ITGBL1: variants seen among roughly 807,000 people sequenced by gnomAD.
The protein encoded by ITGBL1 is integrin subunit beta like 1.
In ITGBL1, 51 loss-of-function variants were observed where a neutral mutation model predicts 68.5. That is an observed-to-expected ratio of 0.74 (90% CI 0.59 to 0.94). ITGBL1 has a LOEUF of 0.94. ITGBL1 is among the 40% of genes least tolerant of loss of function. The probability of loss-of-function intolerance (pLI) is 0.00; values close to 1 mark genes in which losing one functional copy is unlikely to be tolerated. For synonymous variants in ITGBL1, 209 were observed against 227.3 expected (o/e 0.92, Z 0.72); for missense variants, 649 against 647.4 (o/e 1.00, Z -0.03).
chr13:101,611,538 A>G (rs1447617565), intron 7 of ITGBL1, among the ~76,000 whole-genome samples: 1 of 152,188 alleles, frequency 6.6e-6, no homozygotes, highest in Non-Finnish European at 1.5e-5. Flanking sequence ...TTGGGTATGT[A>G]TATAGATGCC....
intron 2 of ITGBL1, among the ~76,000 whole-genome samples, chr13:101,499,345 C>T (rs2048905258): frequency 6.6e-6 from 1 of 152,132 alleles, no homozygotes; most frequent in Non-Finnish European, 1.5e-5. Flanking sequence ...TTCTGTCAAC[C>T]CCTCCCTCAT....
Position 101,496,279 on chromosome 13 carries a change from T to C in ITGBL1, c.316+42179T>C, listed in dbSNP as rs193039495. On this transcript the variant is annotated intron_variant, in intron 2 of 10. Coordinates refer to ENST00000376180, the MANE Select transcript of ITGBL1 (RefSeq NM_004791.3). Reference sequence around the variant, plus strand: ...CAGGGACACAGCCCTGGGCATATAGTTGGGAGACTTGGGCTGGGGTTTTCT... The same window carrying C: ...CAGGGACACAGCCCTGGGCATATAGCTGGGAGACTTGGGCTGGGGTTTTCT... Among the ~76,000 whole-genome samples the C allele has an allele frequency of 1.3e-3, 194 of 152,244 alleles. 2 individuals carry two copies. Among genetic ancestry groups the C allele is most frequent in the Non-Finnish European group, 1.9e-3 (129 of 68,004 alleles).
At chr13:101,458,874 G>A (rs557592431) in intron 2 of ITGBL1, among the ~76,000 whole-genome samples, 4 of 152,280 alleles carry the variant, frequency 2.6e-5, no homozygotes, top group Admixed American at 2.0e-4. Flanking sequence ...GTGCCCAAAA[G>A]CATGGCAAGT....
At chr13:101,520,729 T>C (rs139304617) in intron 2 of ITGBL1, among the ~76,000 whole-genome samples, 11 of 152,330 alleles carry the variant, frequency 7.2e-5, no homozygotes, top group Non-Finnish European at 1.2e-4. Flanking sequence ...AAAGCAAGTT[T>C]AAGCTGGGAA....
At chr13:101,676,671 T>G (rs2033510886) in intron 7 of ITGBL1, among the ~76,000 whole-genome samples, 1 of 152,152 alleles carries the variant, frequency 6.6e-6, no homozygotes, top group Non-Finnish European at 1.5e-5. Context: ...CTGGTTGCCT[T>G]TGGGTTTACT....
At chr13:101,584,303 G>T (rs1320606595) in intron 6 of ITGBL1, among the ~76,000 whole-genome samples, 1 of 152,112 alleles carries the variant, frequency 6.6e-6, no homozygotes, top group African/African-American at 2.4e-5. Context: ...GTCTAATAGT[G>T]CAAAGAAAAA....
intron 2 of ITGBL1, among the ~76,000 whole-genome samples, chr13:101,527,768 C>T (rs1255238824): frequency 2.0e-5 from 3 of 151,904 alleles, no homozygotes; most frequent in African/African-American, 7.2e-5. Flanking sequence ...TATCAAATTT[C>T]ACTGATAAGT....
chr13:101,476,214 TTTCA>T (rs1279395938), intron 2 of ITGBL1, among the ~76,000 whole-genome samples: 1 of 152,120 alleles, frequency 6.6e-6, no homozygotes, highest in Non-Finnish European at 1.5e-5. Flanking sequence ...AGTGTAGAGT[TTTCA>T]TTAGTTTTCT....
chr13:101,505,823 A>G (rs533672722), intron 2 of ITGBL1, among the ~76,000 whole-genome samples: 2 of 152,190 alleles, frequency 1.3e-5, no homozygotes, highest in Non-Finnish European at 2.9e-5. Flanking sequence ...ACTGAATAGG[A>G]GGACACTGAC....
chr13:101,645,433 A>G (rs2032526907), intron 7 of ITGBL1, among the ~76,000 whole-genome samples: 1 of 152,154 alleles, frequency 6.6e-6, no homozygotes, highest in Admixed American at 6.5e-5. Context: ...GACAGGATAT[A>G]GCTATGCCTA....
downstream of ITGBL1, chr13:101,716,758 A>G (rs559258571): frequency 4.7e-5 from 7 of 150,458 alleles, no homozygotes; most frequent in African/African-American, 1.7e-4. Flanking sequence ...TACTGTGATA[A>G]AATGGCACCA....
At chr13:101,522,748 A>G (rs1349812786) in intron 2 of ITGBL1, among the ~76,000 whole-genome samples, 1 of 152,136 alleles carries the variant, frequency 6.6e-6, no homozygotes, top group East Asian at 1.9e-4. Context: ...GCTCTTTGTT[A>G]TTTGCCTTTG....
At chr13:101,558,856 C>G (rs1373558870) in intron 2 of ITGBL1, among the ~76,000 whole-genome samples, 1 of 152,076 alleles carries the variant, frequency 6.6e-6, no homozygotes, top group African/African-American at 2.4e-5. Flanking sequence ...TATACTAACA[C>G]CTAGAGGTTT....
chr13:101,620,863 C>G (rs2031552235), intron 7 of ITGBL1, among the ~76,000 whole-genome samples: 1 of 152,140 alleles, frequency 6.6e-6, no homozygotes, highest in African/African-American at 2.4e-5. Context: ...GCTGTTAGTT[C>G]CATGGTAAAT....
chr13:101,489,847 G>A (rs977178342), intron 2 of ITGBL1: 6 of 657,890 alleles, frequency 9.1e-6, no homozygotes, highest in Non-Finnish European at 1.3e-5. Context: ...CATTCAGTTT[G>A]TCTGACTCAT....
intron 7 of ITGBL1, among the ~76,000 whole-genome samples, chr13:101,682,347 T>A (rs1335612624): frequency 6.6e-6 from 1 of 152,186 alleles, no homozygotes; most frequent in Non-Finnish European, 1.5e-5. Flanking sequence ...TTCGACTTTG[T>A]CTTTCTAGTA....
Position 101,579,303 on chromosome 13 carries a change from C to T in ITGBL1, c.603C>T (p.Tyr201=). ...EEICGGHGKC[Y]CGNCYCKAGW... The stretch of plus-strand genomic sequence containing the variant: ...TGGGTAAAGGCCATGGGAAGTGTTA[C>T]TGTGGAAACTGCTACTGCAAGGCTG... Residue 201 remains tyrosine, a synonymous_variant, in exon 5 of 11, where the codon TAC becomes TAT. Transcript: ENST00000376180. 1.2e-6 allele frequency: 2 copies of T among 1,613,778 alleles called. No individual in the cohort carries two copies. Among genetic ancestry groups the T allele is most frequent in the Non-Finnish European group, 1.7e-6 (2 of 1,179,774 alleles).
chr13:101,501,347 A>G (rs1411582145), intron 2 of ITGBL1, among the ~76,000 whole-genome samples: 1 of 152,124 alleles, frequency 6.6e-6, no homozygotes, highest in East Asian at 1.9e-4. Flanking sequence ...CTGTCCTGTT[A>G]TCTACTGTTG....
At chr13:101,477,076 T>G (rs750644962) in intron 2 of ITGBL1, among the ~76,000 whole-genome samples, 1 of 152,080 alleles carries the variant, frequency 6.6e-6, no homozygotes, top group African/African-American at 2.4e-5. Flanking sequence ...TTCTCAAGGG[T>G]AGACTATATG....
Sources: gnomAD v4.1 joint callset for allele counts (sites outside exome capture counted in the v4.1 genomes callset) on GRCh38, gnomAD v4.1.1 for gene constraint, MANE v1.5 for transcripts, NCBI Gene and HGNC (gene_info 2026-07-23, HGNC 2026-07-21) for gene names.